The following PPHLN1 variants were observed in gnomAD, a reference collection of about 807,000 sequenced individuals.
PPHLN1 encodes periphilin-1.
A neutral mutation model predicts 51.3 loss-of-function variants in PPHLN1; 29 were observed. The ratio of observed to expected loss-of-function variants is 0.57; its 90% CI spans 0.42 to 0.77. PPHLN1 has a LOEUF of 0.77. PPHLN1 is among the 30% of genes least tolerant of loss of function. The pLI is 0.00. For synonymous variants in PPHLN1, 147 were observed against 147.8 expected (o/e 0.99, Z 0.04); for missense variants, 436 against 438.4 (o/e 0.99, Z 0.05).
In PPHLN1 at chr12:42,431,571, A is replaced by G. The variant is rs567107292; in HGVS notation, c.910-9744A>G. The stretch of plus-strand genomic sequence containing the variant: ...AATGGTAGAACTGAAAGTGCGATGC[A>G]AAGACTGGCGATCCATATTCTATCT... On this transcript the variant is annotated intron_variant, in intron 9 of 9. Transcript: ENST00000358314. The G allele has an allele frequency of 7.2e-5, 45 of 622,048 alleles. No individual in the cohort carries two copies. In the East Asian group the frequency reaches 1.2e-3, roughly 17 times the overall value. The allele number at this position is 622,048 out of a possible 1,614,324, so 38.5% of individuals were successfully genotyped here.
chr12:42,376,805 ATAAG>A (rs2076305409), intron 5 of PPHLN1, among the ~76,000 whole-genome samples: 1 of 152,160 alleles, frequency 6.6e-6, no homozygotes, highest in South Asian at 2.1e-4. Context: ...AAATAAATAA[ATAAG>A]TAAATAAATA....
chr12:42,399,170 C>T (rs1295700495), intron 9 of PPHLN1, 176 bp downstream of exon 9: 2 of 1,326,408 alleles, frequency 1.5e-6, no homozygotes, highest in Non-Finnish European at 1.9e-6. Flanking sequence ...TCAGTATGGT[C>T]CCCCACCTGG....
chr12:42,327,420 A>G (rs1285490838), intron 1 of PPHLN1, among the ~76,000 whole-genome samples: 2 of 152,222 alleles, frequency 1.3e-5, no homozygotes, highest in Non-Finnish European at 2.9e-5. Flanking sequence ...GGCTGTAGCC[A>G]TGTTGAACGG....
At chr12:42,368,375 A>C (rs1296818778) in intron 4 of PPHLN1, among the ~76,000 whole-genome samples, 1 of 152,220 alleles carries the variant, frequency 6.6e-6, no homozygotes, top group African/African-American at 2.4e-5. Flanking sequence ...AATATTTTAA[A>C]GCTTGAGAGT....
intron 6 of PPHLN1, among the ~76,000 whole-genome samples, chr12:42,385,556 A>G (rs1321430050): frequency 6.6e-6 from 1 of 152,194 alleles, no homozygotes; most frequent in Non-Finnish European, 1.5e-5. Context: ...CAAAAGATCA[A>G]CAGCTGCTTG....
At chr12:42,332,491 T>A (rs2069908615) in intron 1 of PPHLN1, among the ~76,000 whole-genome samples, 1 of 152,180 alleles carries the variant, frequency 6.6e-6, no homozygotes, top group South Asian at 2.1e-4. Context: ...TTATGAAACT[T>A]GGGTGGCCTC....
chr12:42,442,732 TGCGCA>T (rs756844193), downstream of PPHLN1: 1 of 1,613,316 alleles, frequency 6.2e-7, no homozygotes, highest in Non-Finnish European at 8.5e-7. Flanking sequence ...GCGAAGAGAC[TGCGCA>T]GTCAGTAAGT....
At chr12:42,431,999 A>T in intron 9 of PPHLN1, 2 of 1,484,976 alleles carry the variant, frequency 1.3e-6, no homozygotes, top group South Asian at 2.3e-5. Flanking sequence ...TCTGATTATC[A>T]AGTACGCTGT....
chr12:42,329,792 C>T (rs1335517910), intron 1 of PPHLN1: 2 of 148,996 alleles, frequency 1.3e-5, no homozygotes, highest in South Asian at 2.1e-4. Flanking sequence ...GGGTGGCCTG[C>T]CCCTCCACAC....
At position 42,371,271 on chromosome 12, in the gene PPHLN1, C is replaced by T. The variant is rs77121658; in HGVS notation, c.300-3592C>T. 5.3e-5 allele frequency among the ~76,000 whole-genome samples: 8 copies of T among 152,072 alleles called. No individual in the cohort carries two copies. The East Asian group carries it at 1.5e-3, about 29-fold the overall frequency. On this transcript the variant is annotated intron_variant, in intron 4 of 9. Transcript: ENST00000358314. ...AATAGCTGGGAGTACCAGTGGGTGC[C>T]ACCTCGCTCAGCTATTTTTTAATTT... is the stretch of plus-strand genomic sequence containing the variant.
chr12:42,350,069 GGGCGCCCCCCACC>G (rs2073030078), intron 2 of PPHLN1: 1 of 144,700 alleles, frequency 6.9e-6, no homozygotes, highest in Non-Finnish European at 1.5e-5. Context: ...TGCCGGGCGG[GGGCGCCCCCCACC>G]TCCCAGACGG....
intron 4 of PPHLN1, among the ~76,000 whole-genome samples, chr12:42,356,671 T>C (rs531640288): frequency 1.9e-4 from 29 of 152,292 alleles, no homozygotes; most frequent in South Asian, 8.3e-4. Context: ...TTGATAAAAT[T>C]AATCACCAAG....
At chr12:42,406,329 C>T (rs2079305671) in intron 9 of PPHLN1, among the ~76,000 whole-genome samples, 1 of 152,180 alleles carries the variant, frequency 6.6e-6, no homozygotes. Flanking sequence ...ATCCGCCTGC[C>T]TCAGCCTCCC....
chr12:42,351,993 T>A lies in PPHLN1; in HGVS notation c.181T>A (p.Tyr61Asn). The change falls in exon 3 of 10, where the codon TAT becomes AAT. Residue 61 changes from tyrosine (Y) to asparagine (N), a missense_variant. Physicochemically the swap from Tyr to Asn is moderately radical, Grantham distance 143. Coordinates refer to ENST00000358314, the MANE Select transcript of PPHLN1 (RefSeq NM_201439.2). ...TTACAGTCATGTTGATTACCGAGAC[T>A]ATGACGAGGGCCGCAGTTTTTCTCA... The part of the protein sequence containing the change: ...RYYSHVDYRD[Y>N]DEGRSFSHDR... 6.4e-7 allele frequency: 1 copy of A among 1,568,772 alleles called. No homozygotes were observed. Among genetic ancestry groups the A allele is most frequent in the Non-Finnish European group, 8.6e-7 (1 of 1,162,468 alleles).
At chr12:42,344,072 A>C (rs888707910) in intron 2 of PPHLN1, among the ~76,000 whole-genome samples, 9 of 152,316 alleles carry the variant, frequency 5.9e-5, no homozygotes, top group African/African-American at 2.2e-4. Flanking sequence ...AAAGCATGTG[A>C]TGCCAGAAGT....
downstream of PPHLN1, chr12:42,444,377 AACCCCC>A (rs1226932869): frequency 2.0e-5 from 3 of 149,538 alleles, no homozygotes; most frequent in African/African-American, 7.5e-5. Flanking sequence ...CTAGGTATTT[AACCCCC>A]ACAGCAAAAA....
At position 42,407,806 on chromosome 12, in the gene PPHLN1, T is replaced by C. The variant is rs531908444; in HGVS notation, c.909+8812T>C. ...TTGTAAATAATTGCTATGTAAATAA[T>C]TGTACTGTGTTGTTTAGGGAATAAT... is the stretch of plus-strand genomic sequence containing the variant. On this transcript the variant is annotated intron_variant, in intron 9 of 9. Transcript: ENST00000358314. Among the ~76,000 whole-genome samples the C allele has an allele frequency of 1.3e-3, 202 of 152,316 alleles. 1 individual carries two copies. The highest frequency in any genetic ancestry group is 2.1e-3 in the Non-Finnish European group (146 of 68,016).
At chr12:42,445,785 C>A, downstream of PPHLN1, 2 of 617,700 alleles carry the variant, frequency 3.2e-6, no homozygotes, top group Non-Finnish European at 5.4e-6. Flanking sequence ...CTAGCACAAG[C>A]CTTACTTACC....
In PPHLN1 at chr12:42,349,367, T is replaced by C. The variant is rs909135672; in HGVS notation, c.73-2518T>C. On this transcript the variant is annotated intron_variant, in intron 2 of 9. Transcript: ENST00000358314. ...CTCAGGGATGATAGATAAACAGCTC[T>C]GAAGGTTGGGCTTTATATTTTGTAA... Among the ~76,000 whole-genome samples, 3 of 151,022 alleles carry C rather than the reference T, an allele frequency of 2.0e-5. No individual in the cohort carries two copies. In the Admixed American group the frequency reaches 2.0e-4, roughly 10 times the overall value.
Sources: gnomAD v4.1 joint callset for allele counts (sites outside exome capture counted in the v4.1 genomes callset) on GRCh38, gnomAD v4.1.1 for gene constraint, MANE v1.5 for transcripts, NCBI Gene and HGNC (gene_info 2026-07-23, HGNC 2026-07-21) for gene names.